PLCB1: variants seen among roughly 807,000 people sequenced by gnomAD.
PLCB1 encodes the protein 1-phosphatidylinositol 4,5-bisphosphate phosphodiesterase beta-1.
PLCB1 carries 46 observed loss-of-function variants against 161.8 expected under a neutral mutation model. That is an observed-to-expected ratio of 0.28 (90% confidence interval 0.22 to 0.36). The LOEUF (loss-of-function observed/expected upper bound fraction) is 0.36, where lower values mean the gene tolerates loss of function less well. Among genes scored for constraint, PLCB1 ranks in the 10% least tolerant of loss-of-function variants. The pLI is 1.00. For synonymous variants in PLCB1, 517 were observed against 503.7 expected, an observed-to-expected ratio of 1.03 and a Z score of -0.35; for missense variants, 1,016 against 1,472.5, an observed-to-expected ratio of 0.69 and a Z score of 5.07.
intron 2 of PLCB1, among the ~76,000 whole-genome samples, chr20:8,312,831 T>C (rs1984466065): frequency 6.6e-6 from 1 of 150,466 alleles, no homozygotes; most frequent in Admixed American, 6.6e-5. Context: ...CCATCTTTTC[T>C]CTATAGAAAA....
At chr20:8,733,987 G>A (rs1244843817) in intron 19 of PLCB1, among the ~76,000 whole-genome samples, 12 of 148,910 alleles carry the variant, frequency 8.1e-5, no homozygotes, top group Non-Finnish European at 1.6e-4. Context: ...AATTAGCCGG[G>A]CGTGGTGGCG....
intron 9 of PLCB1, among the ~76,000 whole-genome samples, chr20:8,666,187 G>A (rs1230841931): frequency 1.3e-5 from 2 of 152,122 alleles, no homozygotes; most frequent in African/African-American, 4.8e-5. Context: ...ACTGCCCACA[G>A]CTGTAACCTG....
At chr20:8,839,092 C>T (rs570601294) in intron 31 of PLCB1, among the ~76,000 whole-genome samples, 6 of 152,218 alleles carry the variant, frequency 3.9e-5, no homozygotes, top group Non-Finnish European at 7.4e-5. Flanking sequence ...GCTGATTGGA[C>T]CTAGTGAGCA....
intron 3 of PLCB1, among the ~76,000 whole-genome samples, chr20:8,623,192 C>T (rs1183595736): frequency 3.3e-5 from 5 of 152,092 alleles, no homozygotes; most frequent in Non-Finnish European, 5.9e-5. Context: ...TTTATCTCTT[C>T]TCTCTGACTG....
intron 2 of PLCB1, among the ~76,000 whole-genome samples, chr20:8,351,081 C>T (rs1476191594): frequency 6.6e-6 from 1 of 151,990 alleles, no homozygotes; most frequent in African/African-American, 2.4e-5. Context: ...TTAGAGAACT[C>T]ATATGATTTA....
chr20:8,753,984 C>T (rs1306251122), intron 23 of PLCB1, among the ~76,000 whole-genome samples: 1 of 152,166 alleles, frequency 6.6e-6, no homozygotes. Flanking sequence ...AAGAGTGACA[C>T]AGTCCACTCT....
intron 2 of PLCB1, among the ~76,000 whole-genome samples, chr20:8,328,999 G>T (rs373048177): frequency 1.3e-5 from 2 of 152,286 alleles, no homozygotes; most frequent in East Asian, 3.9e-4. Context: ...ATATCTTCCA[G>T]TGTCAAATGA....
At chr20:8,804,398 T>C (rs1984425521) in intron 31 of PLCB1, among the ~76,000 whole-genome samples, 1 of 148,354 alleles carries the variant, frequency 6.7e-6, no homozygotes, top group African/African-American at 2.5e-5. Flanking sequence ...TTCAAACATT[T>C]AATCATATTG....
intron 2 of PLCB1, among the ~76,000 whole-genome samples, chr20:8,229,597 G>A (rs1979896504): frequency 6.6e-6 from 1 of 152,062 alleles, no homozygotes; most frequent in Non-Finnish European, 1.5e-5. Flanking sequence ...TAACTATATT[G>A]GACATCACAG....
At chr20:8,201,924 T>C (rs1023205715) in intron 2 of PLCB1, among the ~76,000 whole-genome samples, 4 of 152,188 alleles carry the variant, frequency 2.6e-5, no homozygotes, top group Non-Finnish European at 5.9e-5. Flanking sequence ...ATTGCCTGTG[T>C]TGGGTTTTGT....
chr20:8,164,024 C>T (rs2051651760), intron 2 of PLCB1, among the ~76,000 whole-genome samples: 1 of 152,114 alleles, frequency 6.6e-6, no homozygotes, highest in African/African-American at 2.4e-5. Context: ...TCGTAATGGC[C>T]ATAAGCAAAG....
rs369518170 is a variant in PLCB1 at position 8,320,891 on chromosome 20, AAGAG to A, written c.178-50487_178-50484del. Among the ~76,000 whole-genome samples the A allele has an allele frequency of 2.3e-3, 343 of 151,734 alleles. 5 individuals carry two copies. Among genetic ancestry groups the A allele is most frequent in the Non-Finnish European group, 1.7e-3 (112 of 67,860 alleles). ...AAAAGAAAGAAAAAGGAAAGAAAGA[AAGAG>A]AGAAGAAGAAAAGAAGAAGAGGAAG... On this transcript the variant is annotated intron_variant, in intron 2 of 31. Coordinates refer to ENST00000338037, the MANE Select transcript of PLCB1 (RefSeq NM_015192.4).
intron 3 of PLCB1, among the ~76,000 whole-genome samples, chr20:8,415,982 C>A (rs1248347803): frequency 6.6e-6 from 1 of 152,186 alleles, no homozygotes; most frequent in African/African-American, 2.4e-5. Flanking sequence ...TGCCAGTATT[C>A]TTCTGCAGCT....
chr20:8,831,613 T>C (rs1426889853), intron 31 of PLCB1, among the ~76,000 whole-genome samples: 1 of 152,094 alleles, frequency 6.6e-6, no homozygotes, highest in Non-Finnish European at 1.5e-5. Flanking sequence ...CCCCAAAATA[T>C]AAAAGTTTTC....
chr20:8,289,682 C>T (rs548224128), intron 2 of PLCB1, among the ~76,000 whole-genome samples: 1 of 152,118 alleles, frequency 6.6e-6, no homozygotes, highest in Non-Finnish European at 1.5e-5. Context: ...ACCAGGCTAA[C>T]AAGTAAAGAC....
chr20:8,799,331 G>A (rs543462685), intron 31 of PLCB1, among the ~76,000 whole-genome samples: 1 of 152,252 alleles, frequency 6.6e-6, no homozygotes, highest in East Asian at 1.9e-4. Flanking sequence ...GGAATAGGAT[G>A]AGGTGGACTT....
At chr20:8,415,665 T>A (rs1283643888) in intron 3 of PLCB1, among the ~76,000 whole-genome samples, 1 of 152,180 alleles carries the variant, frequency 6.6e-6, no homozygotes, top group African/African-American at 2.4e-5. Context: ...GAGGAAGACA[T>A]CAGCATGTGT....
intron 2 of PLCB1, among the ~76,000 whole-genome samples, chr20:8,231,429 T>C (rs969265082): frequency 6.6e-6 from 1 of 152,128 alleles, no homozygotes; most frequent in African/African-American, 2.4e-5. Flanking sequence ...AAATCACCAA[T>C]GCATAAGAAC....
In PLCB1 at chr20:8,881,645, A is replaced by G. The variant is rs142432676; in HGVS notation, c.3447A>G (p.Glu1149=). ...AGCTGCAGGTGGAGCTGGAGCAAGA[A>G]TACCAAGACAAATTCAAAAGACTGC... is the stretch of plus-strand genomic sequence containing the variant. ...KPKLQVELEQ[E]YQDKFKRLPL... The change falls in exon 32 of 32, where the codon GAA becomes GAG. Residue 1149 remains glutamate, a synonymous_variant. Transcript: ENST00000338037. The G allele has an allele frequency of 3.2e-5, 51 of 1,613,986 alleles. No individual in the cohort carries two copies. Among genetic ancestry groups the G allele is most frequent in the Non-Finnish European group, 3.7e-5 (44 of 1,179,984 alleles).
Sources: allele counts gnomAD v4.1 joint callset (sites outside exome capture counted in the v4.1 genomes callset), GRCh38; gene constraint gnomAD v4.1.1; transcripts MANE v1.5; gene names NCBI Gene and HGNC (gene_info 2026-07-23, HGNC 2026-07-21).